The following DNMT3A variants were observed in gnomAD, a reference collection of about 807,000 sequenced individuals.
The protein encoded by DNMT3A is DNA (cytosine-5)-methyltransferase 3A.
DNMT3A carries 267 observed loss-of-function variants against 117.6 expected under a neutral mutation model. The ratio of observed to expected loss-of-function variants is 2.27; its 90% CI spans 2.05 to 2.51. The LOEUF (loss-of-function observed/expected upper bound fraction) is 2.51, where lower values mean the gene tolerates loss of function less well. DNMT3A is among the 30% of genes most tolerant of loss of function. The pLI, the probability that DNMT3A is intolerant of heterozygous loss-of-function variation, is 0.00. For missense variants in DNMT3A, 1,029 were observed against 1,260.2 expected (o/e 0.82, Z 2.78); for synonymous variants, 432 against 474.8 (o/e 0.91, Z 1.17).
rs1484523993 is a variant in DNMT3A, at chr2:25,320,687, G to T, written c.-177-6526C>A. ...AGAAACTATTACAGTGCACCACAAG[G>T]CTCAGCTGTGAATAATAGTTTTATC... On this transcript the variant is annotated intron_variant, in intron 1 of 22. Transcript: ENST00000321117. Among the ~76,000 whole-genome samples, 3 of 151,858 alleles carry T rather than the reference G, an allele frequency of 2.0e-5. No homozygotes were observed. In the East Asian group the frequency reaches 5.8e-4, roughly 29 times the overall value.
At position 25,232,313 on chromosome 2, in the gene DNMT3A, C is replaced by G. The variant is rs772884357; in HGVS notation, c.*1966G>C. 5.3e-5 allele frequency: 8 copies of G among 152,304 alleles called. No homozygotes were observed. Among genetic ancestry groups the G allele is most frequent in the Non-Finnish European group, 1.0e-4 (7 of 68,132 alleles). The allele number at this position is 152,304 out of a possible 1,614,324, so 9.4% of individuals were successfully genotyped here. ...CCATCTACCCAGGCAAGCACCTGCC[C>G]GTCGGGCCCTCACCCTGGAGCCAAC... On this transcript the variant is annotated 3_prime_UTR_variant, in exon 23 of 23. Transcript: ENST00000321117. The surrounding 1 kb of genome is among the most constrained non-coding windows in gnomAD (Gnocchi z 4.1).
chr2:25,339,561 G>A lies in DNMT3A; in HGVS notation c.-178+2265C>T, dbSNP rs2035334827. On this transcript the variant is annotated intron_variant, in intron 1 of 22. Transcript: ENST00000321117. The surrounding 1 kb of genome is among the most constrained non-coding windows in gnomAD (Gnocchi z 4.9). ...CCAGAGCTGCTGCACAGGCCAGCCT[G>A]GTCCCTCGCCTGGAGCCAGCACATG... 6.6e-6 allele frequency among the ~76,000 whole-genome samples: 1 copy of A among 152,120 alleles called. No individual in the cohort carries two copies. Among genetic ancestry groups the A allele is most frequent in the African/African-American group, 2.4e-5 (1 of 41,438 alleles).
chr2:25,276,844 A>G (rs937604337), intron 4 of DNMT3A, among the ~76,000 whole-genome samples: 2 of 152,234 alleles, frequency 1.3e-5, no homozygotes, highest in Non-Finnish European at 2.9e-5. Flanking sequence ...CGGAAAAAAC[A>G]GCCCCGACTT....
chr2:25,291,359 C>T (rs924219166), intron 3 of DNMT3A, among the ~76,000 whole-genome samples: 3 of 152,240 alleles, frequency 2.0e-5, no homozygotes, highest in South Asian at 4.1e-4. Flanking sequence ...CGGCCCTCAC[C>T]AGAGATCTGA....
At chr2:25,276,875 GA>G (rs1363787511) in intron 4 of DNMT3A, among the ~76,000 whole-genome samples, 5 of 152,264 alleles carry the variant, frequency 3.3e-5, no homozygotes, top group Non-Finnish European at 5.9e-5. Context: ...CTGTGAAGCG[GA>G]AGCCAGCCAC....
chr2:25,322,739 T>C (rs1368548022), intron 1 of DNMT3A, among the ~76,000 whole-genome samples: 7 of 147,618 alleles, frequency 4.7e-5, no homozygotes, highest in Admixed American at 3.4e-4. Flanking sequence ...GATTGAGGAC[T>C]GCTGGCCCCC....
intron 2 of DNMT3A, among the ~76,000 whole-genome samples, chr2:25,309,720 T>C (rs2033995799): frequency 6.6e-6 from 1 of 152,120 alleles, no homozygotes; most frequent in African/African-American, 2.4e-5. Context: ...GATAGAATGA[T>C]GAAAATAATA....
In DNMT3A at chr2:25,234,490, C is replaced by CA; in HGVS notation, c.2598-71dup. 6.5e-7 allele frequency: 1 copy of CA among 1,532,822 alleles called. No homozygotes were observed. The highest frequency in any genetic ancestry group is 8.8e-7 in the Non-Finnish European group (1 of 1,133,938). The allele number at this position is 1,532,822 out of a possible 1,614,324, so 95.0% of individuals were successfully genotyped here. A position where few individuals can be genotyped will look rare whatever the true frequency, so the allele number is the denominator to read the frequency against. On this transcript the variant is annotated intron_variant, in intron 22 of 22. Transcript: ENST00000321117. The surrounding 1 kb of genome is among the most constrained non-coding windows in gnomAD (Gnocchi z 4.5). Reference sequence around the variant, plus strand: ...CCAGGCTGCCCGGAAGCCGTCTAACCACACAGCAGGACCCGGAGGACCAGC... The same window carrying CA: ...CCAGGCTGCCCGGAAGCCGTCTAACCAACACAGCAGGACCCGGAGGACCAGC...
rs1229781101 is a variant in DNMT3A at position 25,298,938 on chromosome 2, C to A, written c.177+1201G>T. Among the ~76,000 whole-genome samples the A allele has an allele frequency of 4.7e-5, 6 of 126,512 alleles. No homozygotes were observed. The highest frequency in any genetic ancestry group is 1.1e-4 in the Non-Finnish European group (6 of 52,276). The allele number at this position is 126,512 out of a possible 152,430, so 83.0% of individuals were successfully genotyped here. A position where few individuals can be genotyped will look rare whatever the true frequency, so the allele number is the denominator to read the frequency against. On this transcript the variant is annotated intron_variant, in intron 3 of 22. Coordinates refer to ENST00000321117, the MANE Select transcript of DNMT3A (RefSeq NM_022552.5). The surrounding 1 kb of genome is among the most constrained non-coding windows in gnomAD (Gnocchi z 4.3). ...ACCCCCCACCTCCAGGAACTCACCA[C>A]CCCCCCCGCCTCTACTGTCCCATTT...
In DNMT3A at chr2:25,244,729, T is replaced by C. The variant is rs1045672790; in HGVS notation, c.1555-77A>G. The C allele has an allele frequency of 1.4e-5, 18 of 1,266,872 alleles. No individual in the cohort carries two copies. The African/African-American group carries it at 2.6e-4, about 19-fold the overall frequency. 78.5% of individuals were successfully genotyped at this position (1,266,872 alleles called of 1,614,324 possible). ...CCAGGACGAAGGGAGGCTCCACACC[T>C]GGCCTCACAGAGCCTAAGCCCTGAA... On this transcript the variant is annotated intron_variant, in intron 13 of 22. Coordinates refer to ENST00000321117, the MANE Select transcript of DNMT3A (RefSeq NM_022552.5).
chr2:25,321,043 G>C (rs1196706663), intron 1 of DNMT3A, among the ~76,000 whole-genome samples: 1 of 152,082 alleles, frequency 6.6e-6, no homozygotes, highest in Non-Finnish European at 1.5e-5. Flanking sequence ...TGAGGCAGGA[G>C]AATCACTTGA....
chr2:25,309,021 A>C (rs2033939249), intron 2 of DNMT3A, among the ~76,000 whole-genome samples: 1 of 151,516 alleles, frequency 6.6e-6, no homozygotes, highest in African/African-American at 2.4e-5. Context: ...GTGCAAACAC[A>C]TAAGTGCTGT....
rs962131767 is a variant in DNMT3A, at chr2:25,247,346, C to T, written c.1015-188G>A. The T allele has an allele frequency of 5.2e-6, 4 of 775,784 alleles. No individual in the cohort carries two copies. Among genetic ancestry groups the T allele is most frequent in the East Asian group, 2.7e-5 (1 of 37,158 alleles). 48.1% of individuals were successfully genotyped at this position (775,784 alleles called of 1,614,324 possible). On this transcript the variant is annotated intron_variant, in intron 8 of 22. Coordinates refer to ENST00000321117, the MANE Select transcript of DNMT3A (RefSeq NM_022552.5). This position sits in a 1 kb window ranked among gnomAD's most constrained non-coding sequence, Gnocchi z 5.6. ...CCAAGAGTAGGGAAGTACCTGAGTG[C>T]AGGTGGAAAGGAATTCTAGTGAATA...
chr2:25,301,570 C>T (rs901293467), intron 2 of DNMT3A, among the ~76,000 whole-genome samples: 2 of 152,122 alleles, frequency 1.3e-5, no homozygotes, highest in Non-Finnish European at 2.9e-5. Context: ...TCTCCTGGGG[C>T]ACAGAGACAT....
intron 2 of DNMT3A, among the ~76,000 whole-genome samples, chr2:25,312,044 G>A (rs2149425787): frequency 6.6e-6 from 1 of 152,256 alleles, no homozygotes; most frequent in Non-Finnish European, 1.5e-5. Flanking sequence ...CCCCACCTGT[G>A]GGGAGCAGCT....
intron 4 of DNMT3A, among the ~76,000 whole-genome samples, chr2:25,279,105 A>G (rs1422174138): frequency 2.0e-5 from 3 of 152,152 alleles, no homozygotes; most frequent in Admixed American, 6.5e-5. Flanking sequence ...TGCCACCTGA[A>G]TCATCATCAT....
intron 6 of DNMT3A, among the ~76,000 whole-genome samples, chr2:25,264,630 T>C (rs1402360408): frequency 6.6e-6 from 1 of 151,648 alleles, no homozygotes; most frequent in Non-Finnish European, 1.5e-5. Context: ...GCCCGGCTAA[T>C]TTTTTGTATT....
intron 16 of DNMT3A, 115 bp from the exon 17 acceptor site, chr2:25,241,822 C>A: frequency 1.5e-6 from 2 of 1,363,896 alleles, no homozygotes; most frequent in South Asian, 2.7e-5. Context: ...GGCCCAAGTC[C>A]TATCTTTTCC....
At chr2:25,328,747 C>T (rs768573398) in intron 1 of DNMT3A, 1 of 491,534 alleles carries the variant, frequency 2.0e-6, no homozygotes, top group Non-Finnish European at 4.2e-6. Context: ...CTTGGCAGAG[C>T]CCCCAAGGCA....
Sources: allele counts gnomAD v4.1 joint callset (sites outside exome capture counted in the v4.1 genomes callset), GRCh38; gene constraint gnomAD v4.1.1; non-coding constraint Gnocchi (gnomAD v3.1); transcripts MANE v1.5; gene names NCBI Gene and HGNC (gene_info 2026-07-23, HGNC 2026-07-21).